ZNF714: variants seen among roughly 807,000 people sequenced by gnomAD.
ZNF714 encodes zinc finger protein 714.
ZNF714 carries 32 observed loss-of-function variants against 46.2 expected under a neutral mutation model. The observed-to-expected ratio is 0.69, with a 90% CI of 0.52 to 0.93. The LOEUF is 0.93. ZNF714 is among the 40% of genes least tolerant of loss of function. ZNF714 has a pLI of 0.00. For synonymous variants in ZNF714, 199 were observed against 213.1 expected (o/e 0.93, Z 0.58); for missense variants, 635 against 646.3 (o/e 0.98, Z 0.19).
At chr19:21,111,458 A>C (rs1425163068) in intron 4 of ZNF714, among the ~76,000 whole-genome samples, 1 of 152,008 alleles carries the variant, frequency 6.6e-6, no homozygotes, top group African/African-American at 2.4e-5. Context: ...TTAGATGAAG[A>C]AGCTTTTGGG....
At chr19:21,090,283 A>G (rs1279582685) in intron 2 of ZNF714, among the ~76,000 whole-genome samples, 1 of 152,160 alleles carries the variant, frequency 6.6e-6, no homozygotes, top group Non-Finnish European at 1.5e-5. Flanking sequence ...AGAAAGACCT[A>G]CCCATTGCAG....
chr19:21,095,493 C>T (rs562350951), intron 2 of ZNF714, among the ~76,000 whole-genome samples: 2 of 151,018 alleles, frequency 1.3e-5, no homozygotes, highest in East Asian at 2.0e-4. Flanking sequence ...GACAGAGTCT[C>T]GCTCTGTCAC....
intron 4 of ZNF714, among the ~76,000 whole-genome samples, chr19:21,112,840 T>TTTTTTTTTTTTTTTTTTA (rs1969488315): frequency 1.5e-5 from 2 of 133,078 alleles, no homozygotes; most frequent in African/African-American, 2.8e-5. Context: ...TTTTTTTTTT[T>TTTTTTTTTTTTTTTTTTA]GAGACGGAGT....
At position 21,117,269 on chromosome 19, in the gene ZNF714, A is replaced by G. The variant is rs760114760; in HGVS notation, c.605A>G (p.Lys202Arg). 1 of 1,613,940 alleles carries G rather than the reference A, an allele frequency of 6.2e-7. No homozygotes were observed. The highest frequency in any genetic ancestry group is 1.7e-5 in the Admixed American group (1 of 60,010). ...KRVHTGEKPF[K>R]CEECGKAFKH... ...GTTCATACTGGAGAGAAACCCTTCAAATGTGAAGAATGTGGCAAAGCTTTT... is the reference window on the plus strand; with the variant it reads ...GTTCATACTGGAGAGAAACCCTTCAGATGTGAAGAATGTGGCAAAGCTTTT... The change falls in exon 5 of 5, where the codon AAA becomes AGA. Residue 202 changes from lysine (K) to arginine (R), a missense_variant. Coordinates refer to ENST00000456283, the MANE Select transcript of ZNF714 (RefSeq NM_182515.4).
At chr19:21,104,385 G>A (rs948852567) in intron 4 of ZNF714, among the ~76,000 whole-genome samples, 1 of 151,998 alleles carries the variant, frequency 6.6e-6, no homozygotes, top group Non-Finnish European at 1.5e-5. Context: ...TTCATATTTT[G>A]GAAATATATT....
intron 4 of ZNF714, among the ~76,000 whole-genome samples, chr19:21,101,676 G>C (rs1969183967): frequency 6.6e-6 from 1 of 152,102 alleles, no homozygotes; most frequent in African/African-American, 2.4e-5. Flanking sequence ...TAAAAACCAA[G>C]GCCTGTAGGC....
chr19:21,101,078 A>G (rs1969169613), intron 4 of ZNF714, among the ~76,000 whole-genome samples: 1 of 152,206 alleles, frequency 6.6e-6, no homozygotes, highest in Non-Finnish European at 1.5e-5. Context: ...ACAAAAAGCA[A>G]CTTTTTACTT....
intron 1 of ZNF714, among the ~76,000 whole-genome samples, chr19:21,083,225 G>A (rs1198528011): frequency 1.3e-5 from 2 of 152,008 alleles, no homozygotes; most frequent in Non-Finnish European, 1.5e-5. Context: ...TAGTAGAGAC[G>A]GGTTTCTGCA....
rs866484173 is a variant in ZNF714, at chr19:21,120,985, C to T, written c.*2653C>T. The T allele has an allele frequency of 6.6e-6, 1 of 152,112 alleles. No homozygotes were observed. Among genetic ancestry groups the T allele is most frequent in the Admixed American group, 6.6e-5 (1 of 15,266 alleles). 9.4% of individuals were successfully genotyped at this position (152,112 alleles called of 1,614,324 possible). ...GGCATCCTTCACCCATAGCATTTCT[C>T]CTTTGTTTTACAAACAATCCAAACC... On this transcript the variant is annotated 3_prime_UTR_variant, in exon 5 of 5. Transcript: ENST00000456283.
chr19:21,095,107 T>G (rs1273650660), intron 2 of ZNF714, among the ~76,000 whole-genome samples: 1 of 152,200 alleles, frequency 6.6e-6, no homozygotes, highest in Non-Finnish European at 1.5e-5. Context: ...TGTTGTCTGT[T>G]TACTCCATTG....
chr19:21,093,397 TA>T (rs1968965524), intron 2 of ZNF714, among the ~76,000 whole-genome samples: 1 of 151,732 alleles, frequency 6.6e-6, no homozygotes, highest in African/African-American at 2.4e-5. Flanking sequence ...CACTCATGGC[TA>T]ATTTTATATT....
intron 4 of ZNF714, among the ~76,000 whole-genome samples, chr19:21,112,325 G>A (rs1969465569): frequency 6.6e-6 from 1 of 152,078 alleles, no homozygotes; most frequent in African/African-American, 2.4e-5. Context: ...TTGAAAGGAT[G>A]GATATGTCCA....
At chr19:21,092,420 T>TA (rs1283830607) in intron 2 of ZNF714, among the ~76,000 whole-genome samples, 14 of 152,326 alleles carry the variant, frequency 9.2e-5, no homozygotes, top group Admixed American at 3.3e-4. Context: ...AGCAGCAAAC[T>TA]ATTTTCCCCA....
At chr19:21,115,186 G>T in intron 4 of ZNF714, among the ~76,000 whole-genome samples, 1 of 151,348 alleles carries the variant, frequency 6.6e-6, no homozygotes. Context: ...ATTTGTCATT[G>T]ATGTTGCTAA....
chr19:21,112,593 C>T (rs1481156721), intron 4 of ZNF714, among the ~76,000 whole-genome samples: 2 of 148,520 alleles, frequency 1.3e-5, no homozygotes, highest in African/African-American at 2.5e-5. Context: ...CAGTCTGAAT[C>T]TGGTTATTTC....
rs1969709011 is a variant in ZNF714, at chr19:21,121,916, A to G, written c.*3584A>G. On this transcript the variant is annotated 3_prime_UTR_variant, in exon 5 of 5. Coordinates refer to ENST00000456283, the MANE Select transcript of ZNF714 (RefSeq NM_182515.4). The stretch of plus-strand genomic sequence containing the variant: ...TCATTATATGAGCTGGTCTGTGATT[A>G]TAAGAATTTTTATGAAATTTAGTGC... 1 of 152,162 alleles carries G rather than the reference A, an allele frequency of 6.6e-6. No homozygotes were observed. Among genetic ancestry groups the G allele is most frequent in the South Asian group, 2.1e-4 (1 of 4,830 alleles). The allele number at this position is 152,162 out of a possible 1,614,324, so 9.4% of individuals were successfully genotyped here.
At chr19:21,107,469 C>G (rs1357590896) in intron 4 of ZNF714, among the ~76,000 whole-genome samples, 1 of 152,110 alleles carries the variant, frequency 6.6e-6, no homozygotes, top group Non-Finnish European at 1.5e-5. Context: ...GAACTCCTGA[C>G]CTCAGGTGAT....
chr19:21,116,851 A>G lies in ZNF714; in HGVS notation c.187A>G (p.Ile63Val). The part of the protein sequence containing the change: ...FTRDLWPEQD[I>V]KDSFQQVILR... ...CAGAGACCTTTGGCCAGAGCAAGAC[A>G]TAAAAGATTCTTTTCAACAAGTGAT... The change falls in exon 5 of 5, where the codon ATA becomes GTA. Residue 63 changes from isoleucine to valine, a missense_variant. Coordinates refer to ENST00000456283, the MANE Select transcript of ZNF714 (RefSeq NM_182515.4). The G allele has an allele frequency of 6.2e-7, 1 of 1,612,128 alleles. No homozygotes were observed. Among genetic ancestry groups the G allele is most frequent in the Non-Finnish European group, 8.5e-7 (1 of 1,179,448 alleles).
chr19:21,089,505 C>T (rs1968858450), intron 2 of ZNF714, among the ~76,000 whole-genome samples: 1 of 152,134 alleles, frequency 6.6e-6, no homozygotes, highest in East Asian at 1.9e-4. Context: ...CACCCAAATA[C>T]CAAACAAGAA....
Sources: allele counts gnomAD v4.1 joint callset (sites outside exome capture counted in the v4.1 genomes callset), GRCh38; gene constraint gnomAD v4.1.1; transcripts MANE v1.5; gene names NCBI Gene and HGNC (gene_info 2026-07-23, HGNC 2026-07-21).